POLN: variants seen among roughly 807,000 people sequenced by gnomAD.
POLN encodes the protein DNA polymerase N.
POLN carries 108 observed loss-of-function variants against 113.5 expected under a neutral mutation model. The ratio of observed to expected loss-of-function variants is 0.95; its 90% CI spans 0.81 to 1.12. The LOEUF (loss-of-function observed/expected upper bound fraction) is 1.12, where lower values mean the gene tolerates loss of function less well. Ranked by LOEUF, POLN falls within the 50% of genes most tolerant of loss-of-function variation. POLN has a pLI of 0.00. For synonymous variants in POLN, 386 were observed against 391.5 expected (o/e 0.99, Z 0.17); for missense variants, 1,097 against 1,077.1 (o/e 1.02, Z -0.26).
chr4:2,089,094 T>C (rs981886928), intron 20 of POLN: 3 of 957,512 alleles, frequency 3.1e-6, no homozygotes, highest in South Asian at 1.4e-5. Context: ...TGGTCTACTA[T>C]AGGCTTTGGA....
chr4:2,238,493 G>A, intron 2 of POLN: 1 of 601,608 alleles, frequency 1.7e-6, no homozygotes, highest in African/African-American at 1.9e-5. Context: ...AAGGCCAAAA[G>A]TGAAATGCAA....
At chr4:2,122,068 C>T (rs1376714597) in intron 19 of POLN, among the ~76,000 whole-genome samples, 1 of 152,120 alleles carries the variant, frequency 6.6e-6, no homozygotes, top group Non-Finnish European at 1.5e-5. Context: ...GCTTTGGGCC[C>T]ACTGAAGAAA....
rs1560095141 is a variant in POLN at position 2,210,633 on chromosome 4, A to AAT, written c.214-2147_214-2146insAT. 1.6e-3 allele frequency among the ~76,000 whole-genome samples: 134 copies of AAT among 83,810 alleles called. 2 individuals are homozygous for AAT. The highest frequency in any genetic ancestry group is 4.2e-3 in the East Asian group (7 of 1,652). 55.0% of individuals were successfully genotyped at this position (83,810 alleles called of 152,430 possible). A position where few individuals can be genotyped will look rare whatever the true frequency, so the allele number is the denominator to read the frequency against. On this transcript the variant is annotated intron_variant, in intron 4 of 25. Transcript: ENST00000511885. Reference sequence around the variant, plus strand: ...ATAATAATAATAATAATAATAATAAAAAAAAGAGGCCGGGCATGGTGGCTC... The same window carrying AAT: ...ATAATAATAATAATAATAATAATAAAATAAAAAGAGGCCGGGCATGGTGGCTC...
chr4:2,122,217 T>C (rs995429329), intron 19 of POLN, among the ~76,000 whole-genome samples: 30 of 152,242 alleles, frequency 2.0e-4, no homozygotes, highest in Admixed American at 1.6e-3. Context: ...AGAGGCAAAA[T>C]AGTCTTCCTG....
chr4:2,195,331 T>C (rs182410510), intron 6 of POLN, among the ~76,000 whole-genome samples: 2 of 152,282 alleles, frequency 1.3e-5, no homozygotes, highest in East Asian at 3.9e-4. Flanking sequence ...CTTTGTAGCA[T>C]TGTTCTTAGA....
intron 20 of POLN, among the ~76,000 whole-genome samples, chr4:2,086,711 G>A (rs529844041): frequency 1.1e-4 from 17 of 152,300 alleles, no homozygotes; most frequent in South Asian, 6.2e-4. Flanking sequence ...GGGGAGTGCT[G>A]TATCCTTGGA....
At chr4:2,163,040 A>AAAAC (rs1196108452) in intron 13 of POLN, among the ~76,000 whole-genome samples, 2 of 151,498 alleles carry the variant, frequency 1.3e-5, no homozygotes, top group African/African-American at 4.8e-5. Flanking sequence ...AAAAAAAAAA[A>AAAAC]AAAAAAAAAA....
At chr4:2,101,887 A>G (rs769737876) in intron 19 of POLN, among the ~76,000 whole-genome samples, 4 of 152,180 alleles carry the variant, frequency 2.6e-5, no homozygotes, top group Non-Finnish European at 5.9e-5. Context: ...TGAGCTGGGT[A>G]GGGGCTCTTA....
At chr4:2,156,185 G>A (rs753047382) in intron 16 of POLN, among the ~76,000 whole-genome samples, 5 of 152,144 alleles carry the variant, frequency 3.3e-5, no homozygotes, top group Non-Finnish European at 7.3e-5. Flanking sequence ...TGGAAAGATA[G>A]ATACCACAGT....
chr4:2,104,784 G>A (rs1047941535), intron 19 of POLN, among the ~76,000 whole-genome samples: 1 of 152,188 alleles, frequency 6.6e-6, no homozygotes, highest in Non-Finnish European at 1.5e-5. Context: ...AAGAGGAAGA[G>A]CCCCATGAAT....
intron 22 of POLN, 44 bp from the exon 23 acceptor site, chr4:2,081,080 T>C: frequency 2.5e-6 from 4 of 1,612,576 alleles, no homozygotes; most frequent in Non-Finnish European, 3.4e-6. Context: ...TGGCACACGG[T>C]TCATGGTGCA....
At chr4:2,227,187 G>A (rs1219682813) in intron 3 of POLN, among the ~76,000 whole-genome samples, 2 of 152,190 alleles carry the variant, frequency 1.3e-5, no homozygotes, top group South Asian at 2.1e-4. Context: ...TAGGGAAAGT[G>A]AGCTGCCATA....
intron 19 of POLN, among the ~76,000 whole-genome samples, chr4:2,099,732 T>G (rs1408899910): frequency 6.6e-6 from 1 of 152,228 alleles, no homozygotes; most frequent in Non-Finnish European, 1.5e-5. Flanking sequence ...AAATGTACCA[T>G]ATTAATGGAA....
chr4:2,189,314 T>C lies in POLN; in HGVS notation c.1021+3890A>G, dbSNP rs566516102. 2.0e-5 allele frequency among the ~76,000 whole-genome samples: 3 copies of C among 152,252 alleles called. No individual in the cohort carries two copies. In the South Asian group the frequency reaches 6.2e-4, roughly 32 times the overall value. Reference sequence around the variant, plus strand: ...TATACAGACTTACATAGAATAAAAGTGAGGAAATGCAAGAATTAATATTGT... The same window carrying C: ...TATACAGACTTACATAGAATAAAAGCGAGGAAATGCAAGAATTAATATTGT... On this transcript the variant is annotated intron_variant, in intron 7 of 25. Coordinates refer to ENST00000511885, the MANE Select transcript of POLN (RefSeq NM_181808.4).
At chr4:2,206,263 A>T (rs917311808) in intron 5 of POLN, among the ~76,000 whole-genome samples, 1 of 152,244 alleles carries the variant, frequency 6.6e-6, no homozygotes, top group African/African-American at 2.4e-5. Context: ...TGGATCAAGG[A>T]CTTAAATTTA....
At chr4:2,190,023 C>CAAAAAA (rs58730240) in intron 7 of POLN, among the ~76,000 whole-genome samples, 5 of 86,088 alleles carry the variant, frequency 5.8e-5, no homozygotes, top group Non-Finnish European at 5.9e-5. Context: ...GACTCCATCT[C>CAAAAAA]AAAAAAAAAA....
rs373120951 is a variant in POLN, at chr4:2,135,152, A to C, written c.1732-3862T>G. Reference sequence around the variant, plus strand: ...CGCAGGGTTCAAATGAACAAAATGAAAGGGTGTCACAGGAGACTCTCCATG... The same window carrying C: ...CGCAGGGTTCAAATGAACAAAATGACAGGGTGTCACAGGAGACTCTCCATG... On this transcript the variant is annotated intron_variant, in intron 16 of 25. Coordinates refer to ENST00000511885, the MANE Select transcript of POLN (RefSeq NM_181808.4). Among the ~76,000 whole-genome samples, 9 of 152,174 alleles carry C rather than the reference A, an allele frequency of 5.9e-5. No homozygotes were observed. The East Asian group carries it at 7.7e-4, about 13-fold the overall frequency.
In POLN at chr4:2,081,521, G is replaced by C. The variant is rs895023782; in HGVS notation, c.2308+112C>G. 3 of 1,028,506 alleles carry C rather than the reference G, an allele frequency of 2.9e-6. No homozygotes were observed. The African/African-American group carries it at 4.8e-5, about 16-fold the overall frequency. 63.7% of individuals were successfully genotyped at this position (1,028,506 alleles called of 1,614,324 possible). ...AGTGTAAGCTCCTGCAAGGAGGTTTGTGATGAGCAGGAAATACCGCAACAG... is the reference window on the plus strand; with the variant it reads ...AGTGTAAGCTCCTGCAAGGAGGTTTCTGATGAGCAGGAAATACCGCAACAG... On this transcript the variant is annotated intron_variant, in intron 22 of 25. Transcript: ENST00000511885.
At chr4:2,090,677 T>C in intron 20 of POLN, 1 of 251,760 alleles carries the variant, frequency 4.0e-6, no homozygotes, top group South Asian at 7.3e-5. Context: ...TCCGCTTAGA[T>C]ACTGATAAGG....
Sources: allele counts gnomAD v4.1 joint callset (sites outside exome capture counted in the v4.1 genomes callset), GRCh38; gene constraint gnomAD v4.1.1; transcripts MANE v1.5; gene names NCBI Gene and HGNC (gene_info 2026-07-23, HGNC 2026-07-21).